The following SPCS2 variants were observed in gnomAD, a reference collection of about 807,000 sequenced individuals.
SPCS2 encodes the protein SPase 25 kDa subunit.
A neutral mutation model predicts 22.3 loss-of-function variants in SPCS2; 3 were observed. The ratio of observed to expected loss-of-function variants is 0.13; its 90% CI spans 0.06 to 0.35. The LOEUF (loss-of-function observed/expected upper bound fraction) is 0.35. Ranked by LOEUF, SPCS2 falls within the 10% of genes least tolerant of loss-of-function variation. SPCS2 has a pLI of 1.00. For synonymous variants in SPCS2, 67 were observed against 97.2 expected (o/e 0.69, Z 1.83); for missense variants, 169 against 280.9 (o/e 0.60, Z 2.85).
chr11:74,956,519 A>G (rs1435614096), intron 1 of SPCS2, among the ~76,000 whole-genome samples: 2 of 151,524 alleles, frequency 1.3e-5, no homozygotes, highest in East Asian at 3.9e-4. Context: ...TGTACTCCAC[A>G]GCCATCTCAT....
intron 4 of SPCS2, among the ~76,000 whole-genome samples, chr11:74,973,160 T>C (rs1948596414): frequency 6.6e-6 from 1 of 152,208 alleles, no homozygotes. Context: ...ATTACTCCGG[T>C]ACTACAGGTA....
intron 1 of SPCS2, among the ~76,000 whole-genome samples, 159 bp from the exon 2 acceptor site, chr11:74,964,875 T>C (rs754505112): frequency 6.6e-6 from 1 of 152,162 alleles, no homozygotes; most frequent in Non-Finnish European, 1.5e-5. Context: ...CCCATAGGAG[T>C]GTGCCCAGAA....
intron 4 of SPCS2, among the ~76,000 whole-genome samples, chr11:74,976,057 C>T (rs1948611757): frequency 6.6e-6 from 1 of 152,126 alleles, no homozygotes; most frequent in Non-Finnish European, 1.5e-5. Flanking sequence ...GGCCTGGGAT[C>T]AGAGTAAAAC....
chr11:74,972,472 G>T (rs1948590340), intron 4 of SPCS2, among the ~76,000 whole-genome samples: 1 of 152,194 alleles, frequency 6.6e-6, no homozygotes, highest in Non-Finnish European at 1.5e-5. Context: ...CTCCTCCAAA[G>T]TGTGAGCTCC....
At chr11:74,972,892 ATAT>A (rs1336024573) in intron 4 of SPCS2, among the ~76,000 whole-genome samples, 103 of 73,700 alleles carry the variant, frequency 1.4e-3, no homozygotes, top group African/African-American at 4.1e-3. Context: ...ATATATATAT[ATAT>A]TTTTTTTTTT....
intron 1 of SPCS2, among the ~76,000 whole-genome samples, chr11:74,955,200 A>G (rs769312320): frequency 6.6e-6 from 1 of 152,234 alleles, no homozygotes; most frequent in East Asian, 1.9e-4. Context: ...AAAGTTAACC[A>G]TATGACCCAA....
intron 4 of SPCS2, among the ~76,000 whole-genome samples, chr11:74,971,899 C>T (rs534490911): frequency 1.3e-5 from 2 of 152,310 alleles, no homozygotes; most frequent in East Asian, 3.9e-4. Flanking sequence ...ATGGAATTTG[C>T]AATATGCTAA....
intron 3 of SPCS2, among the ~76,000 whole-genome samples, chr11:74,969,277 A>G (rs1948567292): frequency 1.3e-5 from 2 of 152,168 alleles, no homozygotes; most frequent in Non-Finnish European, 2.9e-5. Context: ...TAGGTATCTT[A>G]TTATACATGT....
chr11:74,949,542 C>G (rs552693629), intron 1 of SPCS2, 143 bp downstream of exon 1: 10 of 750,260 alleles, frequency 1.3e-5, no homozygotes. Flanking sequence ...CCTACGCACG[C>G]TTGGAGCCTG....
At position 74,965,165 on chromosome 11, in the gene SPCS2, AT is replaced by A; in HGVS notation, c.198+49del. The A allele has an allele frequency of 4.1e-6, 5 of 1,232,322 alleles. No individual in the cohort carries two copies. The South Asian group carries it at 7.0e-5, about 17-fold the overall frequency. 76.3% of individuals were successfully genotyped at this position (1,232,322 alleles called of 1,614,324 possible). A position where few individuals can be genotyped will look rare whatever the true frequency, so the allele number is the denominator to read the frequency against. On this transcript the variant is annotated intron_variant, in intron 2 of 4. Transcript: ENST00000263672. The stretch of plus-strand genomic sequence containing the variant: ...GTTAGTATCTATACAGCTGATGGCC[AT>A]CTCTCCTGGGAAATCTTTTCCTTTT...
At chr11:74,951,873 TG>T (rs1366282077) in intron 1 of SPCS2, among the ~76,000 whole-genome samples, 1 of 149,770 alleles carries the variant, frequency 6.7e-6, no homozygotes, top group Admixed American at 6.6e-5. Context: ...AAAGTGGAAC[TG>T]GCACCTTATT....
intron 1 of SPCS2, among the ~76,000 whole-genome samples, chr11:74,960,330 C>CA (rs989752294): frequency 6.6e-6 from 1 of 151,356 alleles, no homozygotes; most frequent in Admixed American, 6.6e-5. Flanking sequence ...GACTCTGTCT[C>CA]AAAAAAAAGT....
intron 1 of SPCS2, among the ~76,000 whole-genome samples, chr11:74,958,043 GT>G (rs1221762168): frequency 1.3e-5 from 2 of 152,232 alleles, no homozygotes; most frequent in African/African-American, 4.8e-5. Context: ...GGATGTTTAA[GT>G]CATGGATCCA....
Position 74,965,844 on chromosome 11 carries a change from T to C in SPCS2, c.280T>C (p.Phe94Leu). Residue 94 changes from phenylalanine to leucine, a missense_variant, in exon 3 of 5, where the codon TTT (phenylalanine) becomes CTT (leucine). Transcript: ENST00000263672. ...RLTICTISCF[F>L]AIVALIWDYM... ...CACCATCTGTACAATCTCCTGTTTC[T>C]TTGCCATAGTGGCTTTGATTTGGGA... is the stretch of plus-strand genomic sequence containing the variant. 6.2e-7 allele frequency: 1 copy of C among 1,613,456 alleles called. No individual in the cohort carries two copies. The highest frequency in any genetic ancestry group is 2.2e-5 in the East Asian group (1 of 44,866).
At chr11:74,964,825 G>T (rs1948534067) in intron 1 of SPCS2, among the ~76,000 whole-genome samples, 1 of 152,128 alleles carries the variant, frequency 6.6e-6, no homozygotes. Context: ...TAATTGTTTG[G>T]TCTTTTTTGT....
Position 74,969,671 on chromosome 11 carries a change from A to G in SPCS2, c.466A>G (p.Ile156Val), listed in dbSNP as rs1334287963. 1.2e-6 allele frequency: 2 copies of G among 1,613,722 alleles called. No homozygotes were observed. The highest frequency in any genetic ancestry group is 1.7e-6 in the Non-Finnish European group (2 of 1,179,682). ...TCCTACAGGAATGGATCCTGATGAT[A>G]TTTGGCAGCTGTCCTCCAGTCTTAA... Reference protein sequence around the residue: ...KDPTGMDPDDIWQLSSSLKRF... With the variant: ...KDPTGMDPDDVWQLSSSLKRF... Residue 156 changes from isoleucine (I) to valine (V), a missense_variant, in exon 4 of 5, where the codon ATT becomes GTT. By Grantham distance (29) the Ile-to-Val change is conservative (BLOSUM62 3). Around this residue, in one of 2 missense-constraint regions of SPCS2, gnomAD observed 118 missense variants for 243.1 expected, o/e 0.49. Transcript: ENST00000263672.
intron 3 of SPCS2, among the ~76,000 whole-genome samples, chr11:74,967,202 T>G (rs190197420): frequency 3.3e-5 from 5 of 152,176 alleles, no homozygotes; most frequent in Non-Finnish European, 7.3e-5. Flanking sequence ...CTTTCAGTAA[T>G]CAGATTAATC....
intron 1 of SPCS2, among the ~76,000 whole-genome samples, chr11:74,950,785 A>T (rs1318480762): frequency 1.3e-5 from 2 of 152,078 alleles, no homozygotes; most frequent in Non-Finnish European, 2.9e-5. Context: ...GCCTCAAGAG[A>T]TCCTCCCACC....
At chr11:74,965,171 C>A in intron 2 of SPCS2, 54 bp downstream of exon 2, 1 of 1,174,338 alleles carries the variant, frequency 8.5e-7, no homozygotes, top group South Asian at 1.5e-5. Flanking sequence ...GGCCATCTCT[C>A]CTGGGAAATC....
Sources: allele counts gnomAD v4.1 joint callset (sites outside exome capture counted in the v4.1 genomes callset), GRCh38; gene constraint gnomAD v4.1.1; regional missense constraint gnomAD v4.1.1; transcripts MANE v1.5; gene names NCBI Gene and HGNC (gene_info 2026-07-23, HGNC 2026-07-21).